Variants in TMEM14C observed in about 807,000 individuals in gnomAD.
TMEM14C encodes transmembrane protein 14C.
TMEM14C carries 13 observed loss-of-function variants against 14.8 expected under a neutral mutation model. The observed-to-expected ratio is 0.88, with a 90% CI of 0.57 to 1.40. TMEM14C has a LOEUF of 1.40. Ranked by LOEUF, TMEM14C falls within the 40% of genes most tolerant of loss-of-function variation. The probability of loss-of-function intolerance (pLI) is 0.00; values close to 1 mark genes in which losing one functional copy is unlikely to be tolerated. For missense variants in TMEM14C, 142 were observed against 138.8 expected (o/e 1.02, Z -0.12); for synonymous variants, 57 against 51.3 (o/e 1.11, Z -0.48).
At chr6:10,725,166 G>C (rs1770820679) in intron 3 of TMEM14C, 129 bp downstream of exon 3, 1 of 1,108,304 alleles carries the variant, frequency 9.0e-7, no homozygotes. Context: ...TGGAGTGCAG[G>C]CTTCCTTGTC....
chr6:10,725,085 A>G, intron 3 of TMEM14C, 48 bp downstream of exon 3: 1 of 1,607,968 alleles, frequency 6.2e-7, no homozygotes, highest in Non-Finnish European at 8.5e-7. Flanking sequence ...ACGTTGTCCC[A>G]GTGAAATGTG....
intron 5 of TMEM14C, chr6:10,728,989 C>T: frequency 8.0e-6 from 6 of 749,186 alleles, no homozygotes; most frequent in South Asian, 7.6e-5. Flanking sequence ...TATATGGTGG[C>T]AGAAGTTTTA....
chr6:10,730,307 C>T (rs570141746), intron 5 of TMEM14C, among the ~76,000 whole-genome samples: 11 of 152,126 alleles, frequency 7.2e-5, no homozygotes, highest in African/African-American at 2.4e-5. Context: ...TAAACTGAGA[C>T]GCTGGAGAGT....
At chr6:10,725,527 C>G (rs558852836) in intron 3 of TMEM14C, among the ~76,000 whole-genome samples, 3 of 152,256 alleles carry the variant, frequency 2.0e-5, no homozygotes, top group South Asian at 4.1e-4. Context: ...TTTTAATTGA[C>G]TGGCCTTATC....
chr6:10,728,130 T>G (rs969760740), intron 4 of TMEM14C, among the ~76,000 whole-genome samples: 1 of 152,200 alleles, frequency 6.6e-6, no homozygotes, highest in Non-Finnish European at 1.5e-5. Flanking sequence ...AATCTTCACT[T>G]TTTTGTCTAA....
intron 2 of TMEM14C, 133 bp downstream of exon 2, chr6:10,724,766 G>A: frequency 7.5e-7 from 1 of 1,336,762 alleles, no homozygotes. Flanking sequence ...GGACCTGTGG[G>A]CCAGAAACTT....
Position 10,723,235 on chromosome 6 carries a change from G to A in TMEM14C, c.-51G>A, listed in dbSNP as rs959217434. The A allele has an allele frequency of 6.6e-6, 1 of 152,294 alleles. No homozygotes were observed. Among genetic ancestry groups the A allele is most frequent in the Non-Finnish European group, 1.5e-5 (1 of 68,064 alleles). The allele number at this position is 152,294 out of a possible 1,614,324, so 9.4% of individuals were successfully genotyped here. A position where few individuals can be genotyped will look rare whatever the true frequency, so the allele number is the denominator to read the frequency against. On this transcript the variant is annotated 5_prime_UTR_variant, in exon 1 of 6. Transcript: ENST00000229563. The stretch of plus-strand genomic sequence containing the variant: ...CCTTGTAGACAGCCGGGGCCTTCGT[G>A]AGACCGGTGCGAGTATTTGGGGATT...
At position 10,731,072 on chromosome 6, in the gene TMEM14C, G is replaced by A. The variant is rs1951944101; in HGVS notation, c.*406G>A. ...TTTTGCTCATCTTAGACCACAGACT[G>A]ACTTTGAAATTATGTTAAGTGAAAT... On this transcript the variant is annotated 3_prime_UTR_variant, in exon 6 of 6. Transcript: ENST00000229563. 2 of 986,826 alleles carry A rather than the reference G, an allele frequency of 2.0e-6. No homozygotes were observed. The highest frequency in any genetic ancestry group is 2.4e-6 in the Non-Finnish European group (2 of 830,840). The allele number at this position is 986,826 out of a possible 1,614,324, so 61.1% of individuals were successfully genotyped here. A position where few individuals can be genotyped will look rare whatever the true frequency, so the allele number is the denominator to read the frequency against.
At chr6:10,725,445 C>T (rs185388733) in intron 3 of TMEM14C, among the ~76,000 whole-genome samples, 4 of 152,274 alleles carry the variant, frequency 2.6e-5, no homozygotes, top group Admixed American at 6.5e-5. Flanking sequence ...CTTGTGTTTG[C>T]CCCCTAGTCC....
In TMEM14C at chr6:10,725,917, G is replaced by A. The variant is rs140103695; in HGVS notation, c.108G>A (p.Pro36=). 71 of 1,613,754 alleles carry A rather than the reference G, an allele frequency of 4.4e-5. No homozygotes were observed. The highest frequency in any genetic ancestry group is 2.3e-4 in the Admixed American group (14 of 59,998). The change falls in exon 4 of 6, where the codon CCG becomes CCA. Residue 36 remains proline (P), a synonymous_variant. Transcript: ENST00000229563. ...TTTGCTTCCCTCTAGGCAGCGTGCC[G>A]TCCCTGGCTGCAGGGCTGCTCTTTG... ...IIGYVKAGSV[P]SLAAGLLFGS...
rs572876055 is a variant in TMEM14C at position 10,730,790 on chromosome 6, C to T, written c.*124C>T. ...CTGACATTTTACCTAAAAAAAAAGA[C>T]ACCAAACTTGGCAGAGAGGTGGAAA... is the stretch of plus-strand genomic sequence containing the variant. On this transcript the variant is annotated 3_prime_UTR_variant, in exon 6 of 6. Transcript: ENST00000229563. 3 of 1,381,906 alleles carry T rather than the reference C, an allele frequency of 2.2e-6. No homozygotes were observed. The highest frequency in any genetic ancestry group is 3.4e-5 in the South Asian group (2 of 58,212). The allele number at this position is 1,381,906 out of a possible 1,614,324, so 85.6% of individuals were successfully genotyped here. A position where few individuals can be genotyped will look rare whatever the true frequency, so the allele number is the denominator to read the frequency against.
rs372005208 is a variant in TMEM14C at position 10,725,711 on chromosome 6, T to C, written c.98-196T>C. On this transcript the variant is annotated intron_variant, in intron 3 of 5. Coordinates refer to ENST00000229563, the MANE Select transcript of TMEM14C (RefSeq NM_016462.4). The stretch of plus-strand genomic sequence containing the variant: ...CCCTGCCTATTAGAGGAGAGAAAAA[T>C]GGGGTGGGAAGACCCTGACTTCTCT... Among the ~76,000 whole-genome samples the C allele has an allele frequency of 3.4e-4, 52 of 152,064 alleles. No individual in the cohort carries two copies. In the East Asian group the frequency reaches 7.0e-3, roughly 20 times the overall value.
intron 4 of TMEM14C, among the ~76,000 whole-genome samples, chr6:10,727,346 CT>C (rs1381254883): frequency 1.3e-5 from 2 of 152,012 alleles, no homozygotes; most frequent in Admixed American, 6.6e-5. Flanking sequence ...CCTTCATAAA[CT>C]TCCCTTTTTT....
chr6:10,731,041 C>G lies in TMEM14C; in HGVS notation c.*375C>G. On this transcript the variant is annotated 3_prime_UTR_variant, in exon 6 of 6. Coordinates refer to ENST00000229563, the MANE Select transcript of TMEM14C (RefSeq NM_016462.4). The stretch of plus-strand genomic sequence containing the variant: ...AAGTCTTTTAGGAGATTTACAATAT[C>G]TGTTCTTTTGCTCATCTTAGACCAC... The G allele has an allele frequency of 3.0e-6, 3 of 991,194 alleles. No individual in the cohort carries two copies. The highest frequency in any genetic ancestry group is 3.6e-6 in the Non-Finnish European group (3 of 833,748). The allele number at this position is 991,194 out of a possible 1,614,324, so 61.4% of individuals were successfully genotyped here. A position where few individuals can be genotyped will look rare whatever the true frequency, so the allele number is the denominator to read the frequency against.
rs759171010 is a variant in TMEM14C at position 10,725,024 on chromosome 6, C to T, written c.84C>T (p.Gly28=). ...AALVASGGII[G]YVKAGSVPSL... is the part of the protein sequence containing the mutation. ...TGGTTGCTTCTGGTGGGATCATTGG[C>T]TATGTAAAAGCAGGTAGGGTTTTGT... Residue 28 remains glycine, a synonymous_variant, in exon 3 of 6, where the codon GGC becomes GGT. Coordinates refer to ENST00000229563, the MANE Select transcript of TMEM14C (RefSeq NM_016462.4). The T allele has an allele frequency of 1.2e-6, 2 of 1,614,202 alleles. No homozygotes were observed. Among genetic ancestry groups the T allele is most frequent in the East Asian group, 4.5e-5 (2 of 44,890 alleles).
chr6:10,723,855 C>T (rs1276971174), intron 1 of TMEM14C, among the ~76,000 whole-genome samples: 2 of 152,174 alleles, frequency 1.3e-5, no homozygotes, highest in Admixed American at 6.5e-5. Context: ...CCGCCCGCCT[C>T]GGCCTCCTAA....
At chr6:10,727,005 C>G (rs186966425) in intron 4 of TMEM14C, among the ~76,000 whole-genome samples, 9 of 152,282 alleles carry the variant, frequency 5.9e-5, no homozygotes, top group Admixed American at 4.6e-4. Flanking sequence ...CAGGTCCCAG[C>G]TCTGCCTAAC....
intron 3 of TMEM14C, 67 bp from the exon 4 acceptor site, chr6:10,725,840 C>A: frequency 6.3e-7 from 1 of 1,599,266 alleles, no homozygotes; most frequent in South Asian, 1.1e-5. Context: ...GGGCAGCGGT[C>A]TGGGGGATTC....
At chr6:10,727,362 A>T (rs1770893400) in intron 4 of TMEM14C, among the ~76,000 whole-genome samples, 1 of 151,780 alleles carries the variant, frequency 6.6e-6, no homozygotes, top group African/African-American at 2.4e-5. Flanking sequence ...TTTTTTTGAG[A>T]TGGAGTCTCA....
Sources: allele counts gnomAD v4.1 joint callset (sites outside exome capture counted in the v4.1 genomes callset), GRCh38; gene constraint gnomAD v4.1.1; transcripts MANE v1.5; gene names NCBI Gene and HGNC (gene_info 2026-07-23, HGNC 2026-07-21).